Variants in JMJD1C observed in about 807,000 individuals in gnomAD.
JMJD1C encodes the protein jumonji domain containing 1C.
Under a neutral mutation model 245.3 loss-of-function variants are expected in JMJD1C, and 31 were observed. That is an observed-to-expected ratio of 0.13 (90% CI 0.09 to 0.17). The LOEUF is 0.17. Among genes scored for constraint, JMJD1C ranks in the 10% least tolerant of loss-of-function variants. JMJD1C has a pLI of 1.00. For synonymous variants in JMJD1C, 1,057 were observed against 1,017.4 expected, an observed-to-expected ratio of 1.04 and a Z score of -0.74; for missense variants, 2,691 against 3,000.2, an observed-to-expected ratio of 0.90 and a Z score of 2.41.
At chr10:63,436,885 C>G (rs1290845487) in intron 1 of JMJD1C, among the ~76,000 whole-genome samples, 1 of 152,146 alleles carries the variant, frequency 6.6e-6, no homozygotes, top group Non-Finnish European at 1.5e-5. Context: ...AAGCATCTTT[C>G]TCTCTCTCAT....
chr10:63,454,760 A>G (rs1244670699), intron 1 of JMJD1C, among the ~76,000 whole-genome samples: 2 of 152,362 alleles, frequency 1.3e-5, no homozygotes, highest in Admixed American at 6.5e-5. Flanking sequence ...AGTGCCACAC[A>G]TTAGTGGCTA....
intron 1 of JMJD1C, among the ~76,000 whole-genome samples, chr10:63,501,991 G>A (rs1954577509): frequency 6.6e-6 from 1 of 152,136 alleles, no homozygotes; most frequent in African/African-American, 2.4e-5. Context: ...TCTAAAGGTA[G>A]TAAATAAGAC....
intron 3 of JMJD1C, among the ~76,000 whole-genome samples, chr10:63,220,501 G>A (rs538509431): frequency 2.0e-5 from 3 of 152,286 alleles, no homozygotes; most frequent in South Asian, 2.1e-4. Context: ...TAATTTTGCT[G>A]CTAAAAATTT....
intron 1 of JMJD1C, among the ~76,000 whole-genome samples, chr10:63,397,461 C>T (rs2132553840): frequency 6.6e-6 from 1 of 152,216 alleles, no homozygotes; most frequent in East Asian, 1.9e-4. Flanking sequence ...GATCTGTCTG[C>T]CTCGGCCTCC....
At chr10:63,482,619 G>C (rs1317931562) in intron 1 of JMJD1C, among the ~76,000 whole-genome samples, 3 of 151,978 alleles carry the variant, frequency 2.0e-5, no homozygotes, top group Non-Finnish European at 4.4e-5. Flanking sequence ...CTGGGTGATA[G>C]AGCAAGACTT....
rs201171020 is a variant in JMJD1C, at chr10:63,404,322, C to CA, written c.169-23841dup. Among the ~76,000 whole-genome samples the CA allele has an allele frequency of 7.7e-3, 1,173 of 151,940 alleles. 15 individuals are homozygous for CA. Among genetic ancestry groups the CA allele is most frequent in the African/African-American group, 0.026 (1,096 of 41,446 alleles). On this transcript the variant is annotated intron_variant, in intron 1 of 25. Transcript: ENST00000399262. ...AGTCTCATTTCAAAACAAACGAGAC[C>CA]AAAAAAAGCAGAGAGAGAAAAGATA... is the stretch of plus-strand genomic sequence containing the variant.
At chr10:63,245,771 C>CTG (rs1411283640) in intron 3 of JMJD1C, among the ~76,000 whole-genome samples, 1 of 152,160 alleles carries the variant, frequency 6.6e-6, no homozygotes, top group Non-Finnish European at 1.5e-5. Context: ...GCGTGAGCCA[C>CTG]CAGCCCGGCC....
rs533195654 is a variant in JMJD1C, at chr10:63,391,418, G to A, written c.169-10936C>T. ...CCAGCCACTTGGGAGGCTGAGGCAG[G>A]AGAATGGTGTGAACTCGGGAGGCAG... On this transcript the variant is annotated intron_variant, in intron 1 of 25. Coordinates refer to ENST00000399262, the MANE Select transcript of JMJD1C (RefSeq NM_032776.3). Among the ~76,000 whole-genome samples, 3 of 152,230 alleles carry A rather than the reference G, an allele frequency of 2.0e-5. No homozygotes were observed. In the South Asian group the frequency reaches 6.2e-4, roughly 32 times the overall value.
At chr10:63,425,165 T>C (rs1305135840) in intron 1 of JMJD1C, among the ~76,000 whole-genome samples, 1 of 152,168 alleles carries the variant, frequency 6.6e-6, no homozygotes, top group African/African-American at 2.4e-5. Context: ...AAGTAAAATA[T>C]AGGTATAAAT....
At chr10:63,261,959 C>T (rs1190563745) in intron 3 of JMJD1C, among the ~76,000 whole-genome samples, 1 of 152,118 alleles carries the variant, frequency 6.6e-6, no homozygotes, top group East Asian at 1.9e-4. Flanking sequence ...AAATAATATA[C>T]ACAAAGGCCA....
chr10:63,298,763 G>A (rs977450308), intron 2 of JMJD1C, among the ~76,000 whole-genome samples: 6 of 151,928 alleles, frequency 3.9e-5, no homozygotes, highest in Non-Finnish European at 8.8e-5. Flanking sequence ...ACGGAGTTTT[G>A]CTCTTGCCGC....
chr10:63,183,669 G>A, intron 21 of JMJD1C, 100 bp from the exon 22 acceptor site: 1 of 647,196 alleles, frequency 1.5e-6, no homozygotes, highest in East Asian at 3.3e-5. Flanking sequence ...TAATTTAATT[G>A]TAATTTGAGT....
At chr10:63,245,305 G>A (rs762367970) in intron 3 of JMJD1C, among the ~76,000 whole-genome samples, 3 of 151,676 alleles carry the variant, frequency 2.0e-5, no homozygotes, top group African/African-American at 7.3e-5. Flanking sequence ...GTTTTCACAC[G>A]GCTGATAAAG....
intron 2 of JMJD1C, among the ~76,000 whole-genome samples, chr10:63,287,458 A>AAAC (rs1858124251): frequency 6.6e-6 from 1 of 152,234 alleles, no homozygotes; most frequent in Non-Finnish European, 1.5e-5. Flanking sequence ...ATTAGAAAAC[A>AAAC]AACAAACAAA....
chr10:63,474,298 C>T lies in JMJD1C; in HGVS notation n.113+47440G>A, dbSNP rs1427777842. 2.0e-5 allele frequency among the ~76,000 whole-genome samples: 3 copies of T among 152,236 alleles called. No individual in the cohort carries two copies. The East Asian group carries it at 5.8e-4, about 29-fold the overall frequency. On this transcript the variant is annotated intron_variant and non_coding_transcript_variant, in intron 1 of 3. Transcript: ENST00000633035. The stretch of plus-strand genomic sequence containing the variant: ...TTGGTCAACTGATTGCTGAGTCTCT[C>T]CTCAATCGCTAAAATGAGTGGGAGT...
intron 2 of JMJD1C, among the ~76,000 whole-genome samples, chr10:63,312,489 A>C (rs1262403380): frequency 3.3e-5 from 5 of 152,164 alleles, no homozygotes; most frequent in Non-Finnish European, 1.5e-5. Flanking sequence ...AGAAATATGG[A>C]GTTAACCTAA....
chr10:63,379,828 G>A (rs951934626), intron 2 of JMJD1C, among the ~76,000 whole-genome samples: 1 of 152,142 alleles, frequency 6.6e-6, no homozygotes, highest in African/African-American at 2.4e-5. Context: ...AATGAAGGCA[G>A]TGTTTTAAAA....
intron 2 of JMJD1C, chr10:63,358,611 T>C (rs1564829572): frequency 3.3e-5 from 5 of 152,166 alleles, no homozygotes; most frequent in Admixed American, 2.6e-4. Context: ...ATATGGTTTT[T>C]ATTAGGATTT....
At chr10:63,456,466 A>G (rs2133058089) in intron 1 of JMJD1C, among the ~76,000 whole-genome samples, 1 of 152,228 alleles carries the variant, frequency 6.6e-6, no homozygotes, top group East Asian at 1.9e-4. Context: ...TTTATATTAA[A>G]TAACACATAA....
Sources: gnomAD v4.1 joint callset for allele counts (sites outside exome capture counted in the v4.1 genomes callset) on GRCh38, gnomAD v4.1.1 for gene constraint, MANE v1.5 for transcripts, NCBI Gene and HGNC (gene_info 2026-07-23, HGNC 2026-07-21) for gene names.